RUNX2: variants seen among roughly 807,000 people sequenced by gnomAD.
RUNX2 encodes the protein runt-related transcription factor 2.
In RUNX2, 10 loss-of-function variants were observed where a neutral mutation model predicts 51.7. The ratio of observed to expected loss-of-function variants is 0.19; its 90% CI spans 0.12 to 0.33. RUNX2 has a LOEUF of 0.33. Among genes scored for constraint, RUNX2 ranks in the 10% least tolerant of loss-of-function variants. The probability of loss-of-function intolerance (pLI) is 1.00; values close to 1 mark genes in which losing one functional copy is unlikely to be tolerated. For synonymous variants in RUNX2, 276 were observed against 273.6 expected, an observed-to-expected ratio of 1.01 and a Z score of -0.09; for missense variants, 562 against 691.3, an observed-to-expected ratio of 0.81 and a Z score of 2.10.
chr6:45,510,929 G>A (rs565046484), intron 6 of RUNX2, among the ~76,000 whole-genome samples: 16 of 152,072 alleles, frequency 1.1e-4, no homozygotes, highest in Admixed American at 3.9e-4. Context: ...ATTAAGCCAA[G>A]GTTACACAGA....
intron 2 of RUNX2, among the ~76,000 whole-genome samples, chr6:45,378,729 C>A (rs979090988): frequency 2.0e-5 from 3 of 151,814 alleles, no homozygotes; most frequent in African/African-American, 7.3e-5. Context: ...ATCTTGCACC[C>A]CCAGTATTGT....
At chr6:45,378,225 C>A (rs181862906) in intron 2 of RUNX2, among the ~76,000 whole-genome samples, 279 of 152,268 alleles carry the variant, frequency 1.8e-3, no homozygotes, top group African/African-American at 6.5e-3. Flanking sequence ...GAGCTGAGAT[C>A]GGTCAGGGTG....
At chr6:45,426,008 G>A (rs1798372287) in intron 3 of RUNX2, among the ~76,000 whole-genome samples, 1 of 152,136 alleles carries the variant, frequency 6.6e-6, no homozygotes, top group Admixed American at 6.5e-5. Flanking sequence ...CAGAGAATCA[G>A]AAATGAATTC....
At chr6:45,331,696 G>C (rs758004995) in intron 2 of RUNX2, among the ~76,000 whole-genome samples, 1 of 151,844 alleles carries the variant, frequency 6.6e-6, no homozygotes, top group Non-Finnish European at 1.5e-5. Context: ...ACACTGAAAA[G>C]AAATTGTGGA....
intron 6 of RUNX2, among the ~76,000 whole-genome samples, chr6:45,497,057 G>T (rs1319559197): frequency 6.6e-6 from 1 of 152,148 alleles, no homozygotes; most frequent in African/African-American, 2.4e-5. Flanking sequence ...GCTCAGAGAA[G>T]CAGTTGGGTG....
In RUNX2 at chr6:45,328,692, G is replaced by A. The variant is rs1024670298; in HGVS notation, c.-35G>A. 2.5e-6 allele frequency: 4 copies of A among 1,611,712 alleles called. No individual in the cohort carries two copies. In the South Asian group the frequency reaches 3.3e-5, roughly 13 times the overall value. On this transcript the variant is annotated 5_prime_UTR_variant, in exon 2 of 9. Coordinates refer to ENST00000647337, the MANE Select transcript of RUNX2 (RefSeq NM_001024630.4). The stretch of plus-strand genomic sequence containing the variant: ...GCTGCAAGCAGTATTTACAACAGAG[G>A]GTACAAGTTCTATCTGAAAAAAAAA...
At chr6:45,460,332 C>G (rs920203197) in intron 5 of RUNX2, among the ~76,000 whole-genome samples, 3 of 152,112 alleles carry the variant, frequency 2.0e-5, no homozygotes, top group African/African-American at 7.2e-5. Flanking sequence ...AAGAATGTCA[C>G]CAACTGTGTC....
At chr6:45,459,222 T>C (rs1199071633) in intron 5 of RUNX2, among the ~76,000 whole-genome samples, 2 of 152,234 alleles carry the variant, frequency 1.3e-5, no homozygotes, top group Admixed American at 6.5e-5. Context: ...TACATCATGA[T>C]CTTCCATTTT....
At chr6:45,413,504 C>T (rs1248344045) in intron 2 of RUNX2, among the ~76,000 whole-genome samples, 3 of 136,174 alleles carry the variant, frequency 2.2e-5, no homozygotes, top group African/African-American at 8.4e-5. Flanking sequence ...GATCTTGGCT[C>T]ACTGCAACAT....
chr6:45,421,502 T>TG (rs1798187789), intron 2 of RUNX2: 1 of 151,244 alleles, frequency 6.6e-6, no homozygotes, highest in Non-Finnish European at 1.5e-5. Flanking sequence ...GGGGTAGAGG[T>TG]GGGAGGGTGA....
At chr6:45,383,164 G>A (rs1045333365) in intron 2 of RUNX2, among the ~76,000 whole-genome samples, 8 of 152,190 alleles carry the variant, frequency 5.3e-5, no homozygotes, top group African/African-American at 1.9e-4. Context: ...GCCGGGCACG[G>A]TGACTCAAAC....
chr6:45,382,595 A>T (rs1797264380), intron 2 of RUNX2, among the ~76,000 whole-genome samples: 1 of 152,240 alleles, frequency 6.6e-6, no homozygotes, highest in South Asian at 2.1e-4. Context: ...GGTAAGTTGA[A>T]GCAACTGCCA....
chr6:45,493,516 G>A (rs13208741), intron 6 of RUNX2, among the ~76,000 whole-genome samples: 33,686 of 151,800 alleles, frequency 0.22, 4,233 homozygotes, highest in Non-Finnish European at 0.28. Flanking sequence ...GTGGGGGGGC[G>A]GTGGTGAGGG....
In RUNX2 at chr6:45,441,214, C is replaced by T. The variant is rs146392762; in HGVS notation, c.685+3163C>T. On this transcript the variant is annotated intron_variant, in intron 5 of 8. Coordinates refer to ENST00000647337, the MANE Select transcript of RUNX2 (RefSeq NM_001024630.4). ...CTTGAAGTTGAGGATTTTGTACTAT[C>T]GGTTCCTGTTGTTGGAATTTCACTC... Among the ~76,000 whole-genome samples, 47 of 152,242 alleles carry T rather than the reference C, an allele frequency of 3.1e-4. No homozygotes were observed. The East Asian group carries it at 9.1e-3, about 29-fold the overall frequency.
intron 6 of RUNX2, among the ~76,000 whole-genome samples, chr6:45,510,925 C>T (rs1371990182): frequency 6.6e-6 from 1 of 151,924 alleles, no homozygotes; most frequent in African/African-American, 2.4e-5. Flanking sequence ...AGTAATTAAG[C>T]CAAGGTTACA....
intron 2 of RUNX2, among the ~76,000 whole-genome samples, chr6:45,420,599 C>A (rs1168451253): frequency 6.6e-6 from 1 of 152,212 alleles, no homozygotes; most frequent in Non-Finnish European, 1.5e-5. Context: ...AGCTACTCCA[C>A]TAGGAATCTT....
chr6:45,353,161 T>A (rs1386206959), intron 2 of RUNX2, among the ~76,000 whole-genome samples: 1 of 152,088 alleles, frequency 6.6e-6, no homozygotes, highest in Non-Finnish European at 1.5e-5. Flanking sequence ...ATTAATCAAC[T>A]TTAAAAGTAA....
chr6:45,328,894 T>G, intron 2 of RUNX2, 110 bp downstream of exon 2: 4 of 1,114,782 alleles, frequency 3.6e-6, no homozygotes, highest in Non-Finnish European at 5.4e-6. Context: ...AAGATCCTAA[T>G]TATGCTATCT....
At chr6:45,374,097 G>A (rs1796458079) in intron 2 of RUNX2, among the ~76,000 whole-genome samples, 1 of 152,168 alleles carries the variant, frequency 6.6e-6, no homozygotes, top group East Asian at 1.9e-4. Context: ...GCGGGATGAG[G>A]ATGGGTACTA....
Sources: gnomAD v4.1 joint callset for allele counts (sites outside exome capture counted in the v4.1 genomes callset) on GRCh38, gnomAD v4.1.1 for gene constraint, MANE v1.5 for transcripts, NCBI Gene and HGNC (gene_info 2026-07-23, HGNC 2026-07-21) for gene names.